NIN: variants seen among roughly 807,000 people sequenced by gnomAD.
NIN encodes ninein.
A neutral mutation model predicts 257.6 loss-of-function variants in NIN; 137 were observed. That is an observed-to-expected ratio of 0.53 (90% CI 0.46 to 0.61). The LOEUF (loss-of-function observed/expected upper bound fraction) is 0.61, where lower values mean the gene tolerates loss of function less well. NIN is among the 20% of genes least tolerant of loss of function. The pLI is 0.00. For missense variants in NIN, 2,439 were observed against 2,501.2 expected (o/e 0.98, Z 0.53); for synonymous variants, 918 against 919.8 (o/e 1.00, Z 0.04).
At chr14:50,747,746 AAAAAG>A (rs2041611624) in intron 22 of NIN, among the ~76,000 whole-genome samples, 2 of 123,966 alleles carry the variant, frequency 1.6e-5, no homozygotes, top group Non-Finnish European at 3.7e-5. Flanking sequence ...CTTAAAAAAA[AAAAAG>A]GGGGGGATTT....
In NIN at chr14:50,726,203, G is replaced by A. The variant is rs114223925; in HGVS notation, c.6079-137C>T. ...AGGAAGGATGGATTTCTCATGAAAT[G>A]AGAGTTTTGAGCCCTGCATGGATTG... On this transcript the variant is annotated intron_variant, in intron 29 of 30. Coordinates refer to ENST00000530997, the MANE Select transcript of NIN (RefSeq NM_020921.4). The A allele has an allele frequency of 2.3e-3, 1,524 of 659,476 alleles. 12 individuals are homozygous for A. The African/African-American group carries it at 0.025, about 11-fold the overall frequency. The allele number at this position is 659,476 out of a possible 1,614,324, so 40.9% of individuals were successfully genotyped here.
Position 50,744,794 on chromosome 14 carries a change from C to T in NIN, c.5065-429G>A, listed in dbSNP as rs534846141. Among the ~76,000 whole-genome samples the T allele has an allele frequency of 1.3e-3, 201 of 152,134 alleles. 1 individual carries two copies. The highest frequency in any genetic ancestry group is 2.1e-3 in the Non-Finnish European group (143 of 68,002). On this transcript the variant is annotated intron_variant, in intron 22 of 30. Transcript: ENST00000530997. ...TCTCTATTAAAAATAATTAGCCAGG[C>T]GTGGTGGTGCATGCCTGTAATCCTG...
intron 28 of NIN, 28 bp downstream of exon 28, chr14:50,735,488 A>G (rs779037102): frequency 1.9e-6 from 3 of 1,609,784 alleles, no homozygotes; most frequent in South Asian, 1.1e-5. Flanking sequence ...TATTCTTCAT[A>G]GCTAAGGCCA....
At position 50,772,484 on chromosome 14, in the gene NIN, G is replaced by A. The variant is rs112035576; in HGVS notation, c.814-16C>T. ...CATCGAAAGACTGGAAGGAGGAAGA[G>A]ACTTGAGTAAGCCTAGCTTGATTCC... On this transcript the variant is annotated splice_polypyrimidine_tract_variant and intron_variant, in intron 8 of 30. Transcript: ENST00000530997. The A allele has an allele frequency of 1.5e-4, 248 of 1,613,394 alleles. No homozygotes were observed. The African/African-American group carries it at 2.1e-3, about 14-fold the overall frequency.
At chr14:50,786,841 C>T (rs187466450) in intron 5 of NIN, among the ~76,000 whole-genome samples, 10 of 152,120 alleles carry the variant, frequency 6.6e-5, no homozygotes, top group Non-Finnish European at 1.0e-4. Context: ...TGACTCTGTA[C>T]GATGTAAATG....
In NIN at chr14:50,737,847, G is replaced by A. The variant is rs3015465; in HGVS notation, c.5775+293C>T. Among the ~76,000 whole-genome samples, 120,268 of 151,840 alleles carry A rather than the reference G, an allele frequency of 0.79. 48,355 individuals carry two copies. Among genetic ancestry groups the A allele is most frequent in the African/African-American group, 0.93 (38,413 of 41,466 alleles). ...TTTTTAGTAGAGATGGAGTTTTACC[G>A]TATTGGTCAGGCTGGTCTCAAACTC... is the stretch of plus-strand genomic sequence containing the variant. On this transcript the variant is annotated intron_variant, in intron 27 of 30. Coordinates refer to ENST00000530997, the MANE Select transcript of NIN (RefSeq NM_020921.4).
At position 50,760,160 on chromosome 14, in the gene NIN, T is replaced by G. The variant is rs746395661; in HGVS notation, c.2096A>C (p.Glu699Ala). 4 of 1,614,068 alleles carry G rather than the reference T, an allele frequency of 2.5e-6. No individual in the cohort carries two copies. The African/African-American group carries it at 4.0e-5, about 16-fold the overall frequency. Residue 699 changes from glutamate (E) to alanine (A), a missense_variant, in exon 17 of 31, where the codon GAG (glutamate) becomes GCG (alanine). Glu to Ala is a moderately radical substitution (Grantham distance 107). This residue lies in a region of NIN where 2,043 missense variants were observed against 2,050.2 expected (regional missense o/e 1.00). Transcript: ENST00000530997. ...CTTCACTTGCAGTTGTTTTTTCTCCTCCTCATGCCTGCAAGTGGCCTCATG... is the reference window on the plus strand; with the variant it reads ...CTTCACTTGCAGTTGTTTTTTCTCCGCCTCATGCCTGCAAGTGGCCTCATG... Reference protein sequence around the residue: ...AHHEATCRHEEEKKQLQVKLE... With the variant: ...AHHEATCRHEAEKKQLQVKLE...
At chr14:50,803,427 GCA>G (rs2044184027) in intron 4 of NIN, among the ~76,000 whole-genome samples, 2 of 152,190 alleles carry the variant, frequency 1.3e-5, no homozygotes, top group African/African-American at 4.8e-5. Context: ...GCCAAATAAT[GCA>G]GAGGACACAG....
Position 50,722,012 on chromosome 14 carries a change from TG to T in NIN, c.*1450del. On this transcript the variant is annotated 3_prime_UTR_variant, in exon 31 of 31. Coordinates refer to ENST00000530997, the MANE Select transcript of NIN (RefSeq NM_020921.4). Reference sequence around the variant, plus strand: ...TTCACCTTTTGTAAATAGATGGGCTTGGCCCTCCAGGAATATATCAAAGCGA... The same window carrying T: ...TTCACCTTTTGTAAATAGATGGGCTTGCCCTCCAGGAATATATCAAAGCGA... 1 of 229,076 alleles carries T rather than the reference TG, an allele frequency of 4.4e-6. No individual in the cohort carries two copies. 14.2% of individuals were successfully genotyped at this position (229,076 alleles called of 1,614,324 possible).
At chr14:50,825,303 G>A (rs753676235) in intron 2 of NIN, among the ~76,000 whole-genome samples, 1 of 152,198 alleles carries the variant, frequency 6.6e-6, no homozygotes, top group Non-Finnish European at 1.5e-5. Flanking sequence ...GGCAGGGAGT[G>A]TACTATGTAT....
chr14:50,788,940 A>G (rs2043458903), intron 5 of NIN, among the ~76,000 whole-genome samples: 1 of 152,228 alleles, frequency 6.6e-6, no homozygotes, highest in Non-Finnish European at 1.5e-5. Flanking sequence ...TCACAAAAAG[A>G]AAAAGTCATT....
chr14:50,729,061 A>G (rs570010896), intron 29 of NIN, among the ~76,000 whole-genome samples: 1 of 152,306 alleles, frequency 6.6e-6, no homozygotes, highest in South Asian at 2.1e-4. Context: ...TGGGATGGGA[A>G]CATCAGGCCA....
intron 5 of NIN, among the ~76,000 whole-genome samples, chr14:50,790,782 A>G (rs1295741554): frequency 6.6e-6 from 1 of 152,256 alleles, no homozygotes; most frequent in Admixed American, 6.5e-5. Context: ...GACATAAGCC[A>G]CAAGATTTTG....
intron 4 of NIN, among the ~76,000 whole-genome samples, chr14:50,796,577 G>A (rs767502091): frequency 1.2e-4 from 19 of 152,212 alleles, no homozygotes; most frequent in Non-Finnish European, 2.2e-4. Flanking sequence ...CTTCGATAAT[G>A]TTCCCCTTCC....
intron 30 of NIN, among the ~76,000 whole-genome samples, chr14:50,724,595 G>A (rs1361226270): frequency 1.3e-5 from 2 of 151,708 alleles, no homozygotes; most frequent in East Asian, 1.9e-4. Flanking sequence ...CTTCATTGCC[G>A]ACAGAATAAA....
chr14:50,821,702 T>C (rs2045229331), intron 3 of NIN, among the ~76,000 whole-genome samples, 172 bp downstream of exon 3: 1 of 152,192 alleles, frequency 6.6e-6, no homozygotes, highest in South Asian at 2.1e-4. Flanking sequence ...AGCAGGCTCT[T>C]GTCACCCTAG....
At chr14:50,804,258 C>T (rs970009892) in intron 4 of NIN, among the ~76,000 whole-genome samples, 1 of 151,968 alleles carries the variant, frequency 6.6e-6, no homozygotes, top group Non-Finnish European at 1.5e-5. Flanking sequence ...ACGATCCCCA[C>T]GAACAACTGG....
At chr14:50,794,120 GGGTTTAGCCATTAC>G (rs1257032686) in intron 4 of NIN, among the ~76,000 whole-genome samples, 1 of 152,128 alleles carries the variant, frequency 6.6e-6, no homozygotes, top group East Asian at 1.9e-4. Context: ...AACCATGCTG[GGGTTTAGCCATTAC>G]TTTACAGTTT....
chr14:50,785,100 CTT>C (rs1381840331), intron 5 of NIN, among the ~76,000 whole-genome samples: 4 of 152,246 alleles, frequency 2.6e-5, no homozygotes, highest in African/African-American at 7.2e-5. Context: ...GTAGCCAGCT[CTT>C]GAGTTGTCCT....
Sources: allele counts gnomAD v4.1 joint callset (sites outside exome capture counted in the v4.1 genomes callset), GRCh38; gene constraint gnomAD v4.1.1; regional missense constraint gnomAD v4.1.1; transcripts MANE v1.5; gene names NCBI Gene and HGNC (gene_info 2026-07-23, HGNC 2026-07-21).